Variants in ARSG observed in about 807,000 individuals in gnomAD.
ARSG encodes ASG.
Under a neutral mutation model 50.5 loss-of-function variants are expected in ARSG, and 37 were observed. The ratio of observed to expected loss-of-function variants is 0.73; its 90% CI spans 0.56 to 0.96. ARSG has a LOEUF of 0.96. ARSG is among the 50% of genes least tolerant of loss of function. The pLI, the probability that ARSG is intolerant of heterozygous loss-of-function variation, is 0.00. For missense variants in ARSG, 629 were observed against 675.3 expected (o/e 0.93, Z 0.76); for synonymous variants, 225 against 254.6 (o/e 0.88, Z 1.11).
chr17:68,384,928 G>C (rs903060317), intron 8 of ARSG, 136 bp from the exon 9 acceptor site: 42 of 650,994 alleles, frequency 6.5e-5, no homozygotes, highest in East Asian at 4.8e-4. Context: ...GGAAATAGCT[G>C]GTTACCAAAA....
At chr17:68,352,301 A>G (rs1296785424) in intron 5 of ARSG, among the ~76,000 whole-genome samples, 1 of 151,800 alleles carries the variant, frequency 6.6e-6, no homozygotes, top group Non-Finnish European at 1.5e-5. Context: ...TTTTGAAAAA[A>G]CATTTAATGA....
chr17:68,451,554 T>C, the ARSG span, among the ~76,000 whole-genome samples: 3 of 152,266 alleles, frequency 2.0e-5, no homozygotes, highest in Admixed American at 2.0e-4. Flanking sequence ...CACTGTTTGC[T>C]CTGTCAAACA....
chr17:68,416,415 A>G (rs1004943941), intron 11 of ARSG, among the ~76,000 whole-genome samples: 12 of 152,066 alleles, frequency 7.9e-5, no homozygotes, highest in African/African-American at 2.9e-4. Flanking sequence ...GATACCTGGT[A>G]TTTTTGTCTC....
chr17:68,350,771 C>T (rs1395725429), intron 4 of ARSG, among the ~76,000 whole-genome samples: 2 of 151,110 alleles, frequency 1.3e-5, no homozygotes, highest in Non-Finnish European at 2.9e-5. Context: ...GGTGACAGAG[C>T]GAGACTCCGT....
intron 1 of ARSG, among the ~76,000 whole-genome samples, chr17:68,262,299 G>A (rs782273570): frequency 5.9e-5 from 9 of 151,336 alleles, no homozygotes; most frequent in East Asian, 1.9e-4. Context: ...GTGAAACTCC[G>A]TGTCTACTAA....
At position 68,369,538 on chromosome 17, in the gene ARSG, T is replaced by TC. The variant is rs984417504; in HGVS notation, c.901+795dup. ...CTGGGAGACAGAGCAAGACTCTGTC[T>TC]CAAAAAAAAAAAAGCACTGCTTTCG... On this transcript the variant is annotated intron_variant, in intron 7 of 11. Coordinates refer to ENST00000621439, the MANE Select transcript of ARSG (RefSeq NM_001267727.2). Among the ~76,000 whole-genome samples, 9 of 147,286 alleles carry TC rather than the reference T, an allele frequency of 6.1e-5. No homozygotes were observed. In the South Asian group the frequency reaches 1.7e-3, roughly 29 times the overall value.
chr17:68,388,275 G>C (rs962313090), intron 9 of ARSG, among the ~76,000 whole-genome samples: 9 of 152,222 alleles, frequency 5.9e-5, no homozygotes, highest in Admixed American at 4.6e-4. Flanking sequence ...GGCATTTTGG[G>C]CTGGATCACT....
intron 1 of ARSG, among the ~76,000 whole-genome samples, chr17:68,273,153 C>G (rs1169977647): frequency 5.9e-5 from 9 of 151,816 alleles, no homozygotes; most frequent in Admixed American, 5.3e-4. Context: ...ATCTTAACAA[C>G]TGTGTGTGTA....
At chr17:68,444,915 C>CTT in the ARSG span, among the ~76,000 whole-genome samples, 202 of 89,066 alleles carry the variant, frequency 2.3e-3, no homozygotes, top group East Asian at 4.7e-3. Context: ...ATCCTGAACA[C>CTT]TTTTTTTTTT....
At chr17:68,260,492 A>C (rs2075056050) in intron 1 of ARSG, among the ~76,000 whole-genome samples, 1 of 152,010 alleles carries the variant, frequency 6.6e-6, no homozygotes, top group Admixed American at 6.6e-5. Flanking sequence ...GAGGTGCAAT[A>C]TTTATTTATT....
chr17:68,399,984 C>T lies in ARSG; in HGVS notation c.1213-1376C>T, dbSNP rs1207401373. ...GGAAGGAACCTGCTATCATCATGCG[C>T]GCCCTGGGTTTGTGCAGGGATTGTC... On this transcript the variant is annotated intron_variant, in intron 10 of 11. Coordinates refer to ENST00000621439, the MANE Select transcript of ARSG (RefSeq NM_001267727.2). This position sits in a 1 kb window ranked among gnomAD's most constrained non-coding sequence, Gnocchi z 4.6. Among the ~76,000 whole-genome samples the T allele has an allele frequency of 6.6e-6, 1 of 152,190 alleles. No homozygotes were observed. Among genetic ancestry groups the T allele is most frequent in the Non-Finnish European group, 1.5e-5 (1 of 68,042 alleles).
chr17:68,310,416 T>C (rs1401767885), intron 2 of ARSG, among the ~76,000 whole-genome samples: 1 of 152,212 alleles, frequency 6.6e-6, no homozygotes, highest in Admixed American at 6.5e-5. Context: ...ACTTAAGGCA[T>C]ACTGAACTCT....
chr17:68,364,966 T>C (rs897379064), intron 6 of ARSG, among the ~76,000 whole-genome samples: 7 of 152,182 alleles, frequency 4.6e-5, no homozygotes, highest in African/African-American at 1.4e-4. Flanking sequence ...GAGAGGTACA[T>C]CCTTGGGCAT....
intron 2 of ARSG, among the ~76,000 whole-genome samples, chr17:68,328,812 GT>G (rs1353943090): frequency 2.6e-5 from 4 of 152,194 alleles, no homozygotes; most frequent in Non-Finnish European, 5.9e-5. Context: ...GAGGAAGCCA[GT>G]GTCGATGCAG....
chr17:68,435,813 C>T, the ARSG span: 6 of 1,061,422 alleles, frequency 5.7e-6, no homozygotes, highest in South Asian at 5.4e-5. Context: ...CTCCTTTGTC[C>T]AGCTCCCTGT....
In ARSG at chr17:68,371,093, G is replaced by A. The variant is rs183056770; in HGVS notation, c.982+569G>A. 1.9e-3 allele frequency among the ~76,000 whole-genome samples: 291 copies of A among 152,228 alleles called. 2 individuals carry two copies. The highest frequency in any genetic ancestry group is 3.4e-3 in the Middle Eastern group (1 of 294). ...CCCAGCACTTTGGGAAGCCCAGGCCGGCGGATCACGAGGTCAGGAGATGGA... is the reference window on the plus strand; with the variant it reads ...CCCAGCACTTTGGGAAGCCCAGGCCAGCGGATCACGAGGTCAGGAGATGGA... On this transcript the variant is annotated intron_variant, in intron 8 of 11. Transcript: ENST00000621439.
At chr17:68,430,494 T>G in the ARSG span, among the ~76,000 whole-genome samples, 1 of 152,210 alleles carries the variant, frequency 6.6e-6, no homozygotes, top group South Asian at 2.1e-4. Flanking sequence ...TGAGATGGAC[T>G]TGATATCCAG....
At chr17:68,321,211 G>A (rs2077269998) in intron 2 of ARSG, among the ~76,000 whole-genome samples, 1 of 152,104 alleles carries the variant, frequency 6.6e-6, no homozygotes, top group Non-Finnish European at 1.5e-5. Context: ...AAAAGAAAAA[G>A]AGTATAAATG....
At chr17:68,274,850 G>A (rs1026568366) in intron 1 of ARSG, among the ~76,000 whole-genome samples, 20 of 150,032 alleles carry the variant, frequency 1.3e-4, no homozygotes, top group Non-Finnish European at 2.2e-4. Context: ...GTGTGATCTC[G>A]GCTCACTGCA....
Sources: allele counts gnomAD v4.1 joint callset (sites outside exome capture counted in the v4.1 genomes callset), GRCh38; gene constraint gnomAD v4.1.1; non-coding constraint Gnocchi (gnomAD v3.1); transcripts MANE v1.5; gene names NCBI Gene and HGNC (gene_info 2026-07-23, HGNC 2026-07-21).